The following FSIP1 variants were observed in gnomAD, a reference collection of about 807,000 sequenced individuals.
FSIP1 encodes fibrous sheath interacting protein 1.
A neutral mutation model predicts 60.9 loss-of-function variants in FSIP1; 65 were observed. That is an observed-to-expected ratio of 1.07 (90% CI 0.87 to 1.31). The LOEUF is 1.31. FSIP1 is among the 40% of genes most tolerant of loss of function. The pLI is 0.00. For synonymous variants in FSIP1, 209 were observed against 221.2 expected (o/e 0.94, Z 0.49); for missense variants, 675 against 665.5 (o/e 1.01, Z -0.16).
chr15:39,602,042 C>T lies in FSIP1; in HGVS notation c.1700-1116G>A, dbSNP rs1262737126. On this transcript the variant is annotated intron_variant, in intron 11 of 11. Transcript: ENST00000350221. ...TTTTAATGGGATGAATTGTAGGAAGCTGGTGAACAGTGGCTCCCCAAAACT... is the reference window on the plus strand; with the variant it reads ...TTTTAATGGGATGAATTGTAGGAAGTTGGTGAACAGTGGCTCCCCAAAACT... Among the ~76,000 whole-genome samples the T allele has an allele frequency of 1.3e-5, 2 of 152,126 alleles. 1 individual carries two copies. The highest frequency in any genetic ancestry group is 1.3e-4 in the Admixed American group (2 of 15,284).
intron 5 of FSIP1, among the ~76,000 whole-genome samples, chr15:39,742,466 T>A (rs911231095): frequency 6.6e-6 from 1 of 152,366 alleles, no homozygotes; most frequent in East Asian, 1.9e-4. Context: ...TCAGTGTAGT[T>A]TATTTTTATG....
intron 2 of FSIP1, among the ~76,000 whole-genome samples, chr15:39,771,351 G>A (rs1413306541): frequency 6.6e-6 from 1 of 152,166 alleles, no homozygotes; most frequent in African/African-American, 2.4e-5. Context: ...TCCCAACAGA[G>A]AGACTGTCTC....
At chr15:39,718,430 AT>A (rs1281143941) in intron 9 of FSIP1, among the ~76,000 whole-genome samples, 3 of 150,670 alleles carry the variant, frequency 2.0e-5, no homozygotes, top group African/African-American at 7.3e-5. Context: ...TATTTTTCTT[AT>A]TTTTTTGTAG....
intron 1 of FSIP1, among the ~76,000 whole-genome samples, chr15:39,778,728 C>T (rs550731816): frequency 5.9e-5 from 9 of 152,152 alleles, no homozygotes; most frequent in Middle Eastern, 3.4e-3. Context: ...CAAAAGGAAG[C>T]GAGTAGTATC....
chr15:39,768,504 T>C (rs868456706), intron 3 of FSIP1, among the ~76,000 whole-genome samples: 1 of 152,216 alleles, frequency 6.6e-6, no homozygotes, highest in East Asian at 1.9e-4. Flanking sequence ...TTATAACAAA[T>C]AACTATATTC....
chr15:39,777,609 C>T (rs1456675986), intron 1 of FSIP1, among the ~76,000 whole-genome samples: 1 of 152,208 alleles, frequency 6.6e-6, no homozygotes, highest in Non-Finnish European at 1.5e-5. Flanking sequence ...GCACATTGAT[C>T]CTTCCAAACT....
At chr15:39,614,986 G>A (rs1891171473) in intron 11 of FSIP1, among the ~76,000 whole-genome samples, 1 of 152,220 alleles carries the variant, frequency 6.6e-6, no homozygotes, top group South Asian at 2.1e-4. Flanking sequence ...ATAAACTCAT[G>A]CATTTATGGT....
intron 4 of FSIP1, among the ~76,000 whole-genome samples, chr15:39,765,316 G>A (rs753937575): frequency 1.9e-4 from 27 of 139,470 alleles, no homozygotes; most frequent in Admixed American, 4.7e-4. Context: ...CATAGCTACT[G>A]CATAGCATTG....
chr15:39,635,196 A>T (rs116138870), intron 10 of FSIP1, among the ~76,000 whole-genome samples: 2,400 of 152,190 alleles, frequency 0.016, 70 homozygotes, highest in African/African-American at 0.055. Context: ...TAGCTGGAGC[A>T]TGGTGGTGCA....
chr15:39,614,828 T>G (rs1373095283), intron 11 of FSIP1, among the ~76,000 whole-genome samples: 1 of 152,122 alleles, frequency 6.6e-6, no homozygotes, highest in Non-Finnish European at 1.5e-5. Flanking sequence ...CAATAGACCC[T>G]GAATAGCCAA....
chr15:39,600,714 G>A lies in FSIP1; in HGVS notation c.*166C>T, dbSNP rs1890607936. On this transcript the variant is annotated 3_prime_UTR_variant, in exon 12 of 12. Transcript: ENST00000350221. ...AAACCACTGAACAATTACACCCCAAGTCTCAAAAATATCAAGGAAATATAA... is the reference window on the plus strand; with the variant it reads ...AAACCACTGAACAATTACACCCCAAATCTCAAAAATATCAAGGAAATATAA... 1.8e-6 allele frequency: 1 copy of A among 541,926 alleles called. No individual in the cohort carries two copies. The highest frequency in any genetic ancestry group is 3.0e-5 in the South Asian group (1 of 33,666). 33.6% of individuals were successfully genotyped at this position (541,926 alleles called of 1,614,324 possible).
chr15:39,622,367 G>A (rs1355206292), intron 10 of FSIP1, among the ~76,000 whole-genome samples: 2 of 151,998 alleles, frequency 1.3e-5, no homozygotes, highest in East Asian at 3.9e-4. Context: ...CTTCATTTTA[G>A]TAGCTCTTTT....
rs181165255 is a variant in FSIP1 at position 39,733,549 on chromosome 15, C to A, written c.891+4542G>T. Among the ~76,000 whole-genome samples, 3 of 152,288 alleles carry A rather than the reference C, an allele frequency of 2.0e-5. No individual in the cohort carries two copies. The East Asian group carries it at 5.8e-4, about 29-fold the overall frequency. On this transcript the variant is annotated intron_variant, in intron 8 of 11. Coordinates refer to ENST00000350221, the MANE Select transcript of FSIP1 (RefSeq NM_152597.5). ...GACACTGTCTACTGACTGACATGAT[C>A]CCCATTTCTACCTCTACTACAAAAA...
chr15:39,753,897 T>C (rs1334936869), intron 5 of FSIP1, among the ~76,000 whole-genome samples: 1 of 152,056 alleles, frequency 6.6e-6, no homozygotes, highest in Non-Finnish European at 1.5e-5. Context: ...TTTATAAATA[T>C]GATGGGCTAA....
chr15:39,726,450 G>A (rs1326832105), intron 9 of FSIP1, 139 bp downstream of exon 9: 3 of 762,210 alleles, frequency 3.9e-6, no homozygotes, highest in Non-Finnish European at 6.4e-6. Context: ...AGTAGAAAGT[G>A]GAAGTAACCA....
intron 10 of FSIP1, among the ~76,000 whole-genome samples, chr15:39,652,675 T>C (rs1026720336): frequency 6.6e-6 from 1 of 152,234 alleles, no homozygotes; most frequent in African/African-American, 2.4e-5. Context: ...TCAAACACTT[T>C]TTTCTAAGTC....
intron 10 of FSIP1, among the ~76,000 whole-genome samples, chr15:39,669,135 G>A (rs1391807849): frequency 1.3e-5 from 2 of 152,082 alleles, no homozygotes; most frequent in Non-Finnish European, 2.9e-5. Context: ...GCAACCTTAG[G>A]GCCAGCCTCA....
intron 10 of FSIP1, among the ~76,000 whole-genome samples, chr15:39,645,379 C>A (rs942683852): frequency 6.6e-6 from 1 of 152,130 alleles, no homozygotes; most frequent in African/African-American, 2.4e-5. Context: ...CGTGCCTCTG[C>A]AGCCACCCAA....
chr15:39,743,352 A>G (rs2140648907), intron 5 of FSIP1, among the ~76,000 whole-genome samples: 1 of 152,312 alleles, frequency 6.6e-6, no homozygotes, highest in Non-Finnish European at 1.5e-5. Flanking sequence ...ACATACAACA[A>G]AGGTGCCATC....
Sources: gnomAD v4.1 joint callset for allele counts (sites outside exome capture counted in the v4.1 genomes callset) on GRCh38, gnomAD v4.1.1 for gene constraint, MANE v1.5 for transcripts, NCBI Gene and HGNC (gene_info 2026-07-23, HGNC 2026-07-21) for gene names.